The following DAB1 variants were observed in gnomAD, a reference collection of about 807,000 sequenced individuals.
The protein encoded by DAB1 is DAB adaptor protein 1, also known as disabled homolog 1.
DAB1 carries 15 observed loss-of-function variants against 64.6 expected under a neutral mutation model. The observed-to-expected ratio is 0.23, with a 90% CI of 0.16 to 0.36. The LOEUF is 0.36. DAB1 is among the 10% of genes least tolerant of loss of function. The pLI is 1.00. For synonymous variants in DAB1, 235 were observed against 251.9 expected (o/e 0.93, Z 0.64); for missense variants, 596 against 706.7 (o/e 0.84, Z 1.78).
At chr1:57,726,529 T>C (rs1273823400) in intron 6 of DAB1, among the ~76,000 whole-genome samples, 2 of 152,026 alleles carry the variant, frequency 1.3e-5, no homozygotes, top group Admixed American at 1.3e-4. Context: ...TGAATAAAAG[T>C]GAAGGATCTT....
chr1:57,997,144 G>A (rs78092383), intron 5 of DAB1, among the ~76,000 whole-genome samples: 2,026 of 152,202 alleles, frequency 0.013, 50 homozygotes, highest in African/African-American at 0.046. Flanking sequence ...TGGGAAGCTC[G>A]GCAAGTGGGC....
chr1:57,175,109 C>T (rs897178074), intron 2 of DAB1, among the ~76,000 whole-genome samples: 1 of 152,122 alleles, frequency 6.6e-6, no homozygotes, highest in Non-Finnish European at 1.5e-5. Context: ...GAAATCAAAA[C>T]TGGAAATCAA....
chr1:58,023,152 T>A (rs1325455), intron 5 of DAB1, among the ~76,000 whole-genome samples: 61,262 of 151,832 alleles, frequency 0.4, 12,993 homozygotes, highest in East Asian at 0.65. Context: ...TGCTCTAAGA[T>A]GCAGCTCAAA....
chr1:57,532,619 G>C (rs1644678976), intron 7 of DAB1, among the ~76,000 whole-genome samples: 1 of 152,146 alleles, frequency 6.6e-6, no homozygotes, highest in Non-Finnish European at 1.5e-5. Context: ...GCATCAATAA[G>C]AGATTTTCTA....
At chr1:57,745,893 C>T (rs530589666) in intron 6 of DAB1, among the ~76,000 whole-genome samples, 9 of 152,048 alleles carry the variant, frequency 5.9e-5, no homozygotes, top group Non-Finnish European at 1.3e-4. Flanking sequence ...ATTTTATGTA[C>T]GAACAACATA....
chr1:57,367,850 A>G (rs1680182835), intron 1 of DAB1, among the ~76,000 whole-genome samples: 1 of 152,188 alleles, frequency 6.6e-6, no homozygotes, highest in African/African-American at 2.4e-5. Context: ...TCCCAGGCAC[A>G]GCTGCAGCCT....
intron 5 of DAB1, among the ~76,000 whole-genome samples, chr1:57,999,216 G>A (rs1166560167): frequency 2.0e-5 from 3 of 152,180 alleles, no homozygotes; most frequent in Non-Finnish European, 1.5e-5. Flanking sequence ...CTCATAACCT[G>A]TAGAACAAGC....
At chr1:58,209,075 C>T (rs1252247864) in intron 4 of DAB1, among the ~76,000 whole-genome samples, 1 of 152,086 alleles carries the variant, frequency 6.6e-6, no homozygotes, top group Non-Finnish European at 1.5e-5. Flanking sequence ...TGAGGTGAGA[C>T]ACTCCAAGTA....
chr1:58,354,328 G>A (rs1644088314), intron 3 of DAB1, among the ~76,000 whole-genome samples: 1 of 152,142 alleles, frequency 6.6e-6, no homozygotes, highest in Non-Finnish European at 1.5e-5. Context: ...CCCATTCCTT[G>A]TAACATATTA....
At chr1:57,957,175 G>A (rs768850118) in intron 5 of DAB1, among the ~76,000 whole-genome samples, 1 of 152,154 alleles carries the variant, frequency 6.6e-6, no homozygotes, top group Non-Finnish European at 1.5e-5. Flanking sequence ...ACTGGATGTC[G>A]AGGACCAGGT....
chr1:57,751,842 A>AAAT (rs1648567912), intron 6 of DAB1, among the ~76,000 whole-genome samples: 1 of 152,010 alleles, frequency 6.6e-6, no homozygotes, highest in African/African-American at 2.4e-5. Flanking sequence ...CTTAATAAAT[A>AAAT]AATAAATAAA....
rs1007675577 is a variant in DAB1 at position 57,265,602 on chromosome 1, T to C, written c.67+25362A>G. 1.4e-4 allele frequency among the ~76,000 whole-genome samples: 21 copies of C among 152,326 alleles called. 1 individual carries two copies. The East Asian group carries it at 3.9e-3, about 28-fold the overall frequency. On this transcript the variant is annotated intron_variant, in intron 2 of 14. Transcript: ENST00000371236. ...AAGCAGCTCAAACGGATGCCGTCAG[T>C]AACAAAGACATTCCCAGGCAAGGGG... is the stretch of plus-strand genomic sequence containing the variant.
chr1:57,072,067 A>T (rs1651523035), intron 5 of DAB1, among the ~76,000 whole-genome samples: 1 of 93,478 alleles, frequency 1.1e-5, no homozygotes. Context: ...CATTAGTTAA[A>T]AAAAAAAAAA....
At chr1:57,971,701 C>T (rs1428821520) in intron 5 of DAB1, among the ~76,000 whole-genome samples, 1 of 152,128 alleles carries the variant, frequency 6.6e-6, no homozygotes, top group Non-Finnish European at 1.5e-5. Context: ...TATTTTGTAT[C>T]CGGGATCACA....
intron 4 of DAB1, among the ~76,000 whole-genome samples, chr1:57,115,357 G>C (rs1186285943): frequency 6.6e-6 from 1 of 152,110 alleles, no homozygotes; most frequent in Non-Finnish European, 1.5e-5. Context: ...ACTTAGCATG[G>C]GGTTGTCACA....
chr1:58,169,387 G>T (rs529393855), intron 4 of DAB1, among the ~76,000 whole-genome samples: 1 of 152,144 alleles, frequency 6.6e-6, no homozygotes. Context: ...CCAAAACCAC[G>T]TGTGGTTTTG....
rs533589462 is a variant in DAB1 at position 58,247,673 on chromosome 1, G to C, written n.309+95679C>G. ...CCTTTACATTTTTTCTAAGCCGGGG[G>C]TAAGACTGGTCTTGCTTCATGCGGG... On this transcript the variant is annotated intron_variant and non_coding_transcript_variant, in intron 4 of 20. Transcript: ENST00000485760. Among the ~76,000 whole-genome samples, 70 of 152,236 alleles carry C rather than the reference G, an allele frequency of 4.6e-4. 1 individual carries two copies. The South Asian group carries it at 0.014, about 30-fold the overall frequency.
chr1:57,765,927 G>T (rs978966358), intron 6 of DAB1, among the ~76,000 whole-genome samples: 1 of 152,090 alleles, frequency 6.6e-6, no homozygotes, highest in South Asian at 2.1e-4. Context: ...CACTATGCCC[G>T]GCCAGTACTC....
chr1:57,832,047 A>C (rs1652612940), intron 1 of DAB1, among the ~76,000 whole-genome samples: 1 of 152,236 alleles, frequency 6.6e-6, no homozygotes, highest in Admixed American at 6.5e-5. Context: ...GTACGTGCAT[A>C]ATTAAATCAT....
Sources: allele counts gnomAD v4.1 joint callset (sites outside exome capture counted in the v4.1 genomes callset), GRCh38; gene constraint gnomAD v4.1.1; transcripts MANE v1.5; gene names NCBI Gene and HGNC (gene_info 2026-07-23, HGNC 2026-07-21).